Variants in TSEN15 observed in about 807,000 individuals in gnomAD.
The protein encoded by TSEN15 is tRNA-splicing endonuclease subunit Sen15.
In TSEN15, 10 loss-of-function variants were observed where a neutral mutation model predicts 20.5. The ratio of observed to expected loss-of-function variants is 0.49; its 90% confidence interval spans 0.30 to 0.83. The LOEUF is 0.83. TSEN15 is among the 40% of genes least tolerant of loss of function. The probability of loss-of-function intolerance (pLI) is 0.06; values close to 1 mark genes in which losing one functional copy is unlikely to be tolerated. For missense variants in TSEN15, 180 were observed against 218.6 expected (o/e 0.82, Z 1.11); for synonymous variants, 72 against 80.1 (o/e 0.90, Z 0.54).
rs186142187 is a variant in TSEN15 at position 184,073,513 on chromosome 1, A to G, written c.*666A>G. ...GTTCTGGGCTATCCTTTTCATTCTTATCACATATCATAGCTTGAATATTAC... is the reference window on the plus strand; with the variant it reads ...GTTCTGGGCTATCCTTTTCATTCTTGTCACATATCATAGCTTGAATATTAC... On this transcript the variant is annotated 3_prime_UTR_variant, in exon 5 of 5. Coordinates refer to ENST00000645668, the MANE Select transcript of TSEN15 (RefSeq NM_052965.4). 1 of 152,744 alleles carries G rather than the reference A, an allele frequency of 6.5e-6. No individual in the cohort carries two copies. The highest frequency in any genetic ancestry group is 1.9e-4 in the East Asian group (1 of 5,186). The allele number at this position is 152,744 out of a possible 1,614,324, so 9.5% of individuals were successfully genotyped here. A position where few individuals can be genotyped will look rare whatever the true frequency, so the allele number is the denominator to read the frequency against.
intron 3 of TSEN15, among the ~76,000 whole-genome samples, chr1:184,057,672 C>A (rs1389545107): frequency 1.3e-5 from 2 of 152,148 alleles, no homozygotes; most frequent in African/African-American, 4.8e-5. Flanking sequence ...TGGTTATTTT[C>A]ATTGTGCATA....
At chr1:184,077,523 T>C (rs747291946), downstream of TSEN15, among the ~76,000 whole-genome samples, 2 of 152,180 alleles carry the variant, frequency 1.3e-5, no homozygotes, top group Non-Finnish European at 2.9e-5. Flanking sequence ...TGAAGTCTTA[T>C]TGCTTAAGAA....
intron 3 of TSEN15, among the ~76,000 whole-genome samples, chr1:184,063,404 A>G (rs750908860): frequency 1.3e-5 from 2 of 152,224 alleles, no homozygotes; most frequent in African/African-American, 2.4e-5. Context: ...GTATTGTACA[A>G]TTAAAGGAAT....
In TSEN15 at chr1:184,054,345, A is replaced by G. The variant is rs377596615; in HGVS notation, c.136-9A>G. On this transcript the variant is annotated splice_polypyrimidine_tract_variant and intron_variant, in intron 1 of 4. Transcript: ENST00000645668. ...CTTCTCAATTTGACAATTATATTTTAATTTTCAGTATCTAGAAATGATGGA... is the reference window on the plus strand; with the variant it reads ...CTTCTCAATTTGACAATTATATTTTGATTTTCAGTATCTAGAAATGATGGA... 4 of 1,514,252 alleles carry G rather than the reference A, an allele frequency of 2.6e-6. No homozygotes were observed. The highest frequency in any genetic ancestry group is 3.6e-6 in the Non-Finnish European group (4 of 1,104,488). The allele number at this position is 1,514,252 out of a possible 1,614,324, so 93.8% of individuals were successfully genotyped here. A position where few individuals can be genotyped will look rare whatever the true frequency, so the allele number is the denominator to read the frequency against.
intron 4 of TSEN15, 98 bp from the exon 5 acceptor site, chr1:184,072,729 G>T: frequency 1.0e-6 from 1 of 961,638 alleles, no homozygotes; most frequent in Non-Finnish European, 1.6e-6. Context: ...TACTTTGTTG[G>T]TATAATTTGG....
chr1:184,081,671 C>G (rs556649631), intron 3 of TSEN15, among the ~76,000 whole-genome samples: 14 of 152,240 alleles, frequency 9.2e-5, no homozygotes, highest in African/African-American at 3.1e-4. Context: ...AAACCTCAAA[C>G]TATTGAGTCC....
At chr1:184,097,001 G>C (rs1651466651) in exon 4 of TSEN15, 1 of 152,244 alleles carries the variant, frequency 6.6e-6, no homozygotes, top group Non-Finnish European at 1.5e-5. Context: ...ACATGGACCT[G>C]TGGGCTGCAG....
intron 3 of TSEN15, among the ~76,000 whole-genome samples, chr1:184,090,925 C>G (rs1651345261): frequency 6.6e-6 from 1 of 152,166 alleles, no homozygotes; most frequent in South Asian, 2.1e-4. Context: ...ACAGCTCCCT[C>G]AGGGACATAT....
At chr1:184,067,133 A>G (rs1650695615) in intron 3 of TSEN15, among the ~76,000 whole-genome samples, 2 of 152,140 alleles carry the variant, frequency 1.3e-5, no homozygotes, top group Admixed American at 1.3e-4. Context: ...TAACCTTGCT[A>G]TAATCTCTTA....
chr1:184,058,503 A>C (rs1269150873), intron 3 of TSEN15, among the ~76,000 whole-genome samples: 2 of 152,036 alleles, frequency 1.3e-5, no homozygotes, highest in African/African-American at 4.8e-5. Context: ...TCAGTCTTTA[A>C]CAGGGCAGTC....
intron 3 of TSEN15, among the ~76,000 whole-genome samples, chr1:184,080,292 C>T (rs1388990844): frequency 5.3e-5 from 8 of 152,204 alleles, no homozygotes; most frequent in African/African-American, 1.9e-4. Flanking sequence ...ATGTTATTAA[C>T]TTTTTATCCT....
exon 4 of TSEN15, chr1:184,096,036 G>T (rs1651443503): frequency 3.4e-6 from 1 of 290,628 alleles, no homozygotes; most frequent in South Asian, 1.6e-4. Context: ...GGGGAGAGAG[G>T]AAGAATTTTG....
chr1:184,084,830 A>T (rs972832732), intron 3 of TSEN15, among the ~76,000 whole-genome samples: 7 of 152,016 alleles, frequency 4.6e-5, no homozygotes, highest in Admixed American at 2.0e-4. Context: ...TACTACTACA[A>T]TGGCAATTAA....
At chr1:184,094,924 A>G in intron 3 of TSEN15, 1 of 398,100 alleles carries the variant, frequency 2.5e-6, no homozygotes, top group Non-Finnish European at 4.4e-6. Flanking sequence ...GTGGCCTCTG[A>G]CAGACATGGC....
intron 3 of TSEN15, among the ~76,000 whole-genome samples, chr1:184,067,011 A>G (rs1230620058): frequency 6.6e-6 from 1 of 152,214 alleles, no homozygotes; most frequent in African/African-American, 2.4e-5. Context: ...CTAAATATTT[A>G]TCTTTTATGA....
At chr1:184,075,817 T>A (rs1450520106), downstream of TSEN15, among the ~76,000 whole-genome samples, 1 of 151,886 alleles carries the variant, frequency 6.6e-6, no homozygotes, top group Non-Finnish European at 1.5e-5. Flanking sequence ...GTGACTTGAT[T>A]CATGCTTTGC....
chr1:184,079,620 G>A (rs73050978), intron 3 of TSEN15, among the ~76,000 whole-genome samples: 4,337 of 152,174 alleles, frequency 0.029, 202 homozygotes, highest in African/African-American at 0.097. Context: ...GCTGTCTGGC[G>A]GCATCTTTTC....
chr1:184,052,011 AGG>A, intron 1 of TSEN15, 121 bp downstream of exon 1: 1 of 1,093,560 alleles, frequency 9.1e-7, no homozygotes, highest in South Asian at 3.1e-5. Context: ...ACCCTCACCG[AGG>A]GGGACCGGTG....
intron 3 of TSEN15, among the ~76,000 whole-genome samples, chr1:184,081,396 G>GAGGCAGTTCCAGCTGCAGT (rs1361149772): frequency 6.6e-6 from 1 of 152,166 alleles, no homozygotes; most frequent in Non-Finnish European, 1.5e-5. Flanking sequence ...CCAGCTGCAG[G>GAGGCAGTTCCAGCTGCAGT]AGGCAGTTCC....
Sources: allele counts gnomAD v4.1 joint callset (sites outside exome capture counted in the v4.1 genomes callset), GRCh38; gene constraint gnomAD v4.1.1; transcripts MANE v1.5; gene names NCBI Gene and HGNC (gene_info 2026-07-23, HGNC 2026-07-21).